Variants in CDR2 observed in about 807,000 individuals in gnomAD.
CDR2 encodes the protein cerebellar degeneration-related protein 2.
CDR2 carries 34 observed loss-of-function variants against 48.4 expected under a neutral mutation model. The ratio of observed to expected loss-of-function variants is 0.70; its 90% CI spans 0.53 to 0.94. The LOEUF (loss-of-function observed/expected upper bound fraction) is 0.94. Ranked by LOEUF, CDR2 falls within the 40% of genes least tolerant of loss-of-function variation. CDR2 has a pLI of 0.00. For synonymous variants in CDR2, 240 were observed against 219.7 expected (o/e 1.09, Z -0.82); for missense variants, 498 against 549.5 (o/e 0.91, Z 0.94).
chr16:22,354,277 A>G (rs1455221959), intron 2 of CDR2, among the ~76,000 whole-genome samples: 2 of 152,100 alleles, frequency 1.3e-5, no homozygotes, highest in African/African-American at 4.8e-5. Context: ...GCCCTGACCA[A>G]TGTCCTTTTC....
intron 2 of CDR2, among the ~76,000 whole-genome samples, chr16:22,355,893 T>C (rs1334150931): frequency 6.6e-6 from 1 of 152,190 alleles, no homozygotes; most frequent in African/African-American, 2.4e-5. Context: ...GAATCTCAAA[T>C]AAAAGCTAAT....
At chr16:22,355,220 T>A (rs1420697856) in intron 2 of CDR2, among the ~76,000 whole-genome samples, 2 of 152,280 alleles carry the variant, frequency 1.3e-5, no homozygotes, top group Non-Finnish European at 2.9e-5. Context: ...AAGTGGTTTT[T>A]CCAGCTTCAT....
rs2048904028 is a variant in CDR2, at chr16:22,346,358, A to G, written c.*607T>C. The G allele has an allele frequency of 6.5e-6, 1 of 153,108 alleles. No individual in the cohort carries two copies. The highest frequency in any genetic ancestry group is 2.1e-4 in the South Asian group (1 of 4,848). 9.5% of individuals were successfully genotyped at this position (153,108 alleles called of 1,614,324 possible). ...TATCAAACAAAAATTTGCCATCTCA[A>G]TTTGGTATTCAGTTGGATTTGGATA... On this transcript the variant is annotated 3_prime_UTR_variant, in exon 5 of 5. Coordinates refer to ENST00000268383, the MANE Select transcript of CDR2 (RefSeq NM_001802.2).
intron 1 of CDR2, among the ~76,000 whole-genome samples, chr16:22,366,496 T>A (rs1487080582): frequency 2.6e-5 from 4 of 152,060 alleles, no homozygotes; most frequent in Non-Finnish European, 5.9e-5. Context: ...AGAATCAATG[T>A]GTGAAGGAAC....
chr16:22,354,550 C>T (rs2048960989), intron 2 of CDR2, among the ~76,000 whole-genome samples: 1 of 152,120 alleles, frequency 6.6e-6, no homozygotes, highest in Non-Finnish European at 1.5e-5. Flanking sequence ...CAAACAAATA[C>T]TGAATTTCTA....
At chr16:22,362,497 A>G (rs766167970) in intron 2 of CDR2, among the ~76,000 whole-genome samples, 1 of 152,258 alleles carries the variant, frequency 6.6e-6, no homozygotes, top group Admixed American at 6.5e-5. Context: ...ATATGCTAAA[A>G]TAAGTACCAG....
intron 2 of CDR2, among the ~76,000 whole-genome samples, chr16:22,352,705 T>C (rs1479036359): frequency 1.3e-5 from 2 of 152,202 alleles, no homozygotes; most frequent in African/African-American, 4.8e-5. Flanking sequence ...AATCTTGCTT[T>C]ATAGAGCTTT....
At chr16:22,372,388 C>T (rs748939034) in intron 1 of CDR2, among the ~76,000 whole-genome samples, 1 of 152,166 alleles carries the variant, frequency 6.6e-6, no homozygotes, top group Non-Finnish European at 1.5e-5. Context: ...TGTGCGAGTG[C>T]TTCAGTGCAG....
intron 1 of CDR2, chr16:22,369,002 C>G (rs1464059681): frequency 6.6e-6 from 1 of 152,036 alleles, no homozygotes; most frequent in Admixed American, 6.6e-5. Flanking sequence ...ATACATAGAC[C>G]CATATGGAAG....
intron 1 of CDR2, among the ~76,000 whole-genome samples, chr16:22,371,264 T>C (rs1018845308): frequency 3.3e-5 from 5 of 151,202 alleles, no homozygotes; most frequent in Admixed American, 1.3e-4. Context: ...TGCTCAGTAA[T>C]AATAATGAGG....
intron 1 of CDR2, among the ~76,000 whole-genome samples, chr16:22,371,954 T>A (rs2049081370): frequency 6.6e-6 from 1 of 151,992 alleles, no homozygotes; most frequent in South Asian, 2.1e-4. Flanking sequence ...TCACTGCAAC[T>A]CCGCCTCCCA....
intron 2 of CDR2, among the ~76,000 whole-genome samples, chr16:22,359,413 C>T (rs1239245071): frequency 6.6e-6 from 1 of 152,186 alleles, no homozygotes; most frequent in Admixed American, 6.5e-5. Context: ...GAGTGAGCCA[C>T]CGCCACCGGC....
chr16:22,347,841 G>A lies in CDR2; in HGVS notation c.507-18C>T. On this transcript the variant is annotated intron_variant, in intron 4 of 4. Coordinates refer to ENST00000268383, the MANE Select transcript of CDR2 (RefSeq NM_001802.2). Reference sequence around the variant, plus strand: ...CGAAGTGTCTAGGGAAAAAAATATTGAAAGAATATATTACACAGGTCCACT... The same window carrying A: ...CGAAGTGTCTAGGGAAAAAAATATTAAAAGAATATATTACACAGGTCCACT... 6.3e-7 allele frequency: 1 copy of A among 1,591,632 alleles called. No individual in the cohort carries two copies. Among genetic ancestry groups the A allele is most frequent in the Non-Finnish European group, 8.6e-7 (1 of 1,168,700 alleles).
Position 22,374,354 on chromosome 16 carries a change from C to T in CDR2, c.-45G>A. 1 of 1,407,376 alleles carries T rather than the reference C, an allele frequency of 7.1e-7. No homozygotes were observed. Among genetic ancestry groups the T allele is most frequent in the Non-Finnish European group, 9.9e-7 (1 of 1,012,066 alleles). 87.2% of individuals were successfully genotyped at this position (1,407,376 alleles called of 1,614,324 possible). A position where few individuals can be genotyped will look rare whatever the true frequency, so the allele number is the denominator to read the frequency against. The stretch of plus-strand genomic sequence containing the variant: ...GGCAGCGGCCCCCGCCGCCGTCCCG[C>T]CTCAGCCGCTGCCCCGGGCTCTTCC... On this transcript the variant is annotated 5_prime_UTR_variant, in exon 1 of 5. Coordinates refer to ENST00000268383, the MANE Select transcript of CDR2 (RefSeq NM_001802.2).
rs1159383061 is a variant in CDR2 at position 22,346,074 on chromosome 16, G to C, written c.*891C>G. On this transcript the variant is annotated 3_prime_UTR_variant, in exon 5 of 5. Coordinates refer to ENST00000268383, the MANE Select transcript of CDR2 (RefSeq NM_001802.2). ...AGTCAGATCAATACTGCTTAATAAA[G>C]TAGATAGGAATTTCTGCAACAAGTC... 2.0e-5 allele frequency: 3 copies of C among 152,592 alleles called. No individual in the cohort carries two copies. The highest frequency in any genetic ancestry group is 4.4e-5 in the Non-Finnish European group (3 of 68,046). 9.5% of individuals were successfully genotyped at this position (152,592 alleles called of 1,614,324 possible).
chr16:22,353,520 A>T (rs1264482043), intron 2 of CDR2, among the ~76,000 whole-genome samples: 1 of 152,198 alleles, frequency 6.6e-6, no homozygotes, highest in Non-Finnish European at 1.5e-5. Flanking sequence ...TCTTTGGCAT[A>T]AAAAGGTTCC....
At chr16:22,358,421 G>A (rs1019994394) in intron 2 of CDR2, among the ~76,000 whole-genome samples, 20 of 152,256 alleles carry the variant, frequency 1.3e-4, no homozygotes, top group African/African-American at 4.1e-4. Context: ...TCAACTATGA[G>A]TACAAGGTTC....
At chr16:22,349,947 G>T in intron 2 of CDR2, 98 bp from the exon 3 acceptor site, 1 of 1,115,760 alleles carries the variant, frequency 9.0e-7, no homozygotes. Flanking sequence ...CCAGCACTTT[G>T]GGAGGCCAAG....
In CDR2 at chr16:22,374,233, T is replaced by G. The variant is rs756999430; in HGVS notation, c.77A>C (p.Gln26Pro). ...EPWYDHQDLQ[Q>P]DLQLAAELGK... ...CCGCGGGGCGCCCCCGCCCTCACCT[T>G]GCTGGAGGTCCTGGTGGTCGTACCA... is the stretch of plus-strand genomic sequence containing the variant. The change falls in exon 1 of 5, where the codon CAA becomes CCA. Residue 26 changes from glutamine to proline, a missense_variant and splice_region_variant. Coordinates refer to ENST00000268383, the MANE Select transcript of CDR2 (RefSeq NM_001802.2). 6 of 1,594,372 alleles carry G rather than the reference T, an allele frequency of 3.8e-6. No individual in the cohort carries two copies. The highest frequency in any genetic ancestry group is 4.3e-6 in the Non-Finnish European group (5 of 1,170,396).
Sources: gnomAD v4.1 joint callset for allele counts (sites outside exome capture counted in the v4.1 genomes callset) on GRCh38, gnomAD v4.1.1 for gene constraint, MANE v1.5 for transcripts, NCBI Gene and HGNC (gene_info 2026-07-23, HGNC 2026-07-21) for gene names.